SYNE2: variants seen among roughly 807,000 people sequenced by gnomAD.
SYNE2 encodes spectrin repeat containing nuclear envelope protein 2.
A neutral mutation model predicts 856.3 loss-of-function variants in SYNE2; 431 were observed. That is an observed-to-expected ratio of 0.50 (90% confidence interval 0.47 to 0.55). The LOEUF is 0.55. SYNE2 is among the 20% of genes least tolerant of loss of function. The pLI is 0.00. For synonymous variants in SYNE2, 2,923 were observed against 2,872.3 expected, an observed-to-expected ratio of 1.02 and a Z score of -0.56; for missense variants, 8,129 against 8,023.2, an observed-to-expected ratio of 1.01 and a Z score of -0.50.
chr14:64,063,667 G>T (rs1191078056), intron 50 of SYNE2, among the ~76,000 whole-genome samples: 1 of 152,190 alleles, frequency 6.6e-6, no homozygotes, highest in Non-Finnish European at 1.5e-5. Flanking sequence ...TTAGGATTTG[G>T]ATGAGGACTT....
chr14:63,941,721 C>G lies in SYNE2; in HGVS notation c.168C>G (p.Asp56Glu), dbSNP rs1442935113. 1.9e-6 allele frequency: 3 copies of G among 1,613,932 alleles called. No individual in the cohort carries two copies. The highest frequency in any genetic ancestry group is 2.5e-6 in the Non-Finnish European group (3 of 1,179,974). The change falls in exon 4 of 116, where the codon GAC becomes GAG. Residue 56 changes from aspartate to glutamate, a missense_variant. Transcript: ENST00000555002. ...ACACTTCTCCCTCAGTTATATCCGA[C>G]CTATTCACAGACATTAAAAAGGGGC... Reference protein sequence around the residue: ...ARHTSPSVISDLFTDIKKGHV... With the variant: ...ARHTSPSVISELFTDIKKGHV...
chr14:63,993,698 A>C (rs2096687963), intron 21 of SYNE2, 137 bp from the exon 22 acceptor site: 1 of 751,048 alleles, frequency 1.3e-6, no homozygotes, highest in South Asian at 1.8e-5. Context: ...GTCTCCTATA[A>C]ATCTTCAGAT....
chr14:64,085,856 G>A (rs1357969708), intron 57 of SYNE2, among the ~76,000 whole-genome samples: 1 of 152,088 alleles, frequency 6.6e-6, no homozygotes, highest in Non-Finnish European at 1.5e-5. Context: ...TTAAAAAATT[G>A]CATTGTCTTC....
chr14:63,985,541 A>T (rs1566974966), intron 18 of SYNE2, among the ~76,000 whole-genome samples: 1 of 152,108 alleles, frequency 6.6e-6, no homozygotes, highest in Non-Finnish European at 1.5e-5. Context: ...TAAGAGCTAT[A>T]TTTGTTTAAA....
chr14:64,005,675 G>GAT (rs2096790691), intron 30 of SYNE2, among the ~76,000 whole-genome samples: 1 of 152,196 alleles, frequency 6.6e-6, no homozygotes, highest in Non-Finnish European at 1.5e-5. Context: ...ATACTTATTA[G>GAT]ACATTCAAGC....
chr14:64,159,203 T>C, intron 86 of SYNE2, 109 bp from the exon 87 acceptor site: 1 of 1,422,082 alleles, frequency 7.0e-7, no homozygotes, highest in East Asian at 2.3e-5. Context: ...ATCAGAGCTG[T>C]AAGATTTGAG....
chr14:63,836,543 A>C (rs1025583737), intron 1 of SYNE2, among the ~76,000 whole-genome samples: 1 of 152,130 alleles, frequency 6.6e-6, no homozygotes, highest in African/African-American at 2.4e-5. Flanking sequence ...TTTTCTTTTC[A>C]TTCTAATACC....
At chr14:64,113,312 TC>T (rs1276155395) in intron 65 of SYNE2, 28 bp from the exon 66 acceptor site, 1 of 1,612,856 alleles carries the variant, frequency 6.2e-7, no homozygotes, top group Non-Finnish European at 8.5e-7. Flanking sequence ...AACTTTGGAC[TC>T]CCTGGCTTAT....
At chr14:63,762,043 T>G in intron 1 of SYNE2, 1 of 502,818 alleles carries the variant, frequency 2.0e-6, no homozygotes, top group Non-Finnish European at 4.1e-6. Context: ...CGTTCTTGAC[T>G]CAGGAGGCGT....
At chr14:63,851,886 T>C (rs188036845), upstream of SYNE2, among the ~76,000 whole-genome samples, 147 of 150,288 alleles carry the variant, frequency 9.8e-4, no homozygotes, top group Middle Eastern at 6.8e-3. Flanking sequence ...AGTTTGAGAC[T>C]AGCTTGGGCA....
chr14:63,838,605 C>T lies in SYNE2; in HGVS notation c.-304-13896C>T, dbSNP rs540411448. Among the ~76,000 whole-genome samples the T allele has an allele frequency of 6.6e-5, 10 of 151,864 alleles. No homozygotes were observed. In the East Asian group the frequency reaches 2.0e-3, roughly 30 times the overall value. On this transcript the variant is annotated intron_variant, in intron 1 of 23. Transcript: ENST00000674003. ...TCATAGCTCACTGCAGCCTCTAATTCCTTGGCTCCAGCAATCCTCCCAGCC... is the reference window on the plus strand; with the variant it reads ...TCATAGCTCACTGCAGCCTCTAATTTCTTGGCTCCAGCAATCCTCCCAGCC...
At chr14:63,956,142 A>T (rs1440789251) in intron 8 of SYNE2, among the ~76,000 whole-genome samples, 3 of 152,198 alleles carry the variant, frequency 2.0e-5, no homozygotes, top group South Asian at 2.1e-4. Flanking sequence ...TCAAGCCTTC[A>T]TTTGCAGACT....
At chr14:63,837,221 T>C (rs1378239499) in intron 1 of SYNE2, among the ~76,000 whole-genome samples, 1 of 152,186 alleles carries the variant, frequency 6.6e-6, no homozygotes, top group Non-Finnish European at 1.5e-5. Context: ...ATGAATGGTG[T>C]TGGGACAATT....
At chr14:64,195,408 G>T (rs1294536299) in intron 99 of SYNE2, among the ~76,000 whole-genome samples, 1 of 152,122 alleles carries the variant, frequency 6.6e-6, no homozygotes, top group Non-Finnish European at 1.5e-5. Context: ...CACTAGCAAG[G>T]CCTGTCGTCC....
intron 99 of SYNE2, among the ~76,000 whole-genome samples, chr14:64,197,562 A>C (rs534845485): frequency 6.6e-6 from 1 of 152,216 alleles, no homozygotes; most frequent in African/African-American, 2.4e-5. Context: ...TGTTTATTTC[A>C]GTACAAATTC....
intron 28 of SYNE2, 67 bp from the exon 29 acceptor site, chr14:64,001,867 T>C: frequency 6.5e-7 from 1 of 1,531,578 alleles, no homozygotes; most frequent in South Asian, 1.1e-5. Flanking sequence ...AGTAATTGTG[T>C]TAATCAGTTT....
chr14:63,885,401 G>T (rs2140797241), intron 1 of SYNE2, among the ~76,000 whole-genome samples: 1 of 152,278 alleles, frequency 6.6e-6, no homozygotes, highest in Non-Finnish European at 1.5e-5. Context: ...ATTGTTTCCA[G>T]GTGGGGAGCA....
chr14:64,130,892 A>T (rs1286110855), intron 76 of SYNE2, among the ~76,000 whole-genome samples: 1 of 151,570 alleles, frequency 6.6e-6, no homozygotes, highest in African/African-American at 2.4e-5. Flanking sequence ...TCAAAAAAAA[A>T]AAAAAAAGAA....
chr14:63,774,355 G>A (rs971317030), intron 1 of SYNE2, among the ~76,000 whole-genome samples: 4 of 151,406 alleles, frequency 2.6e-5, no homozygotes, highest in Non-Finnish European at 5.9e-5. Context: ...TGTAATCCCA[G>A]ATACTTGGGA....
Sources: allele counts gnomAD v4.1 joint callset (sites outside exome capture counted in the v4.1 genomes callset), GRCh38; gene constraint gnomAD v4.1.1; transcripts MANE v1.5; gene names NCBI Gene and HGNC (gene_info 2026-07-23, HGNC 2026-07-21).